TXNL4A: variants seen among roughly 807,000 people sequenced by gnomAD.
TXNL4A encodes thioredoxin-like protein 4A.
TXNL4A carries 17 observed loss-of-function variants against 14.6 expected under a neutral mutation model. The observed-to-expected ratio is 1.16, with a 90% CI of 0.80 to 1.74. The LOEUF (loss-of-function observed/expected upper bound fraction) is 1.74. TXNL4A is among the 40% of genes most tolerant of loss of function. The probability of loss-of-function intolerance (pLI) is 0.00; values close to 1 mark genes in which losing one functional copy is unlikely to be tolerated. For missense variants in TXNL4A, 74 were observed against 195.2 expected (o/e 0.38, Z 3.70); for synonymous variants, 83 against 70.6 (o/e 1.18, Z -0.88).
intron 1 of TXNL4A, among the ~76,000 whole-genome samples, chr18:80,015,538 A>T (rs1472631926): frequency 6.7e-6 from 1 of 149,884 alleles, no homozygotes; most frequent in African/African-American, 2.5e-5. Flanking sequence ...CAGTCCCCAG[A>T]GTGTGATGTT....
At chr18:79,988,663 A>G, upstream of TXNL4A, 1 of 285,178 alleles carries the variant, frequency 3.5e-6, no homozygotes, top group Non-Finnish European at 6.5e-6. Context: ...GCGAACGTGT[A>G]GTTGGCCGGG....
Position 79,971,036 on chromosome 18 carries a change from C to T in TXNL4A, c.*2649G>A, listed in dbSNP as rs2051295657. 1 of 154,434 alleles carries T rather than the reference C, an allele frequency of 6.5e-6. No individual in the cohort carries two copies. 9.6% of individuals were successfully genotyped at this position (154,434 alleles called of 1,614,324 possible). ...GCTGTCACCTCCTATTTCCCCCTCC[C>T]TCCCAGTCTTAAGCAACCACTAATC... is the stretch of plus-strand genomic sequence containing the variant. On this transcript the variant is annotated 3_prime_UTR_variant, in exon 3 of 3. Transcript: ENST00000269601.
intron 1 of TXNL4A, among the ~76,000 whole-genome samples, chr18:80,029,887 T>G (rs1199831955): frequency 6.6e-6 from 1 of 152,144 alleles, no homozygotes; most frequent in East Asian, 1.9e-4. Flanking sequence ...AAGCCAAGAT[T>G]TGATAAAGAA....
chr18:80,019,547 C>T (rs369555661), intron 1 of TXNL4A, among the ~76,000 whole-genome samples: 1 of 152,100 alleles, frequency 6.6e-6, no homozygotes. Context: ...TATTTATTAC[C>T]TGATAATAAG....
At chr18:79,998,452 C>T (rs1402425532) in intron 1 of TXNL4A, among the ~76,000 whole-genome samples, 1 of 151,980 alleles carries the variant, frequency 6.6e-6, no homozygotes, top group African/African-American at 2.4e-5. Context: ...AATGCCCCAG[C>T]CTTAGGGCAC....
In TXNL4A at chr18:79,973,296, A is replaced by AC. The variant is rs77355432; in HGVS notation, c.*388dup. The AC allele has an allele frequency of 0.11, 17,441 of 163,524 alleles. 1,184 individuals are homozygous for AC. The highest frequency in any genetic ancestry group is 0.25 in the East Asian group (1,373 of 5,522). 10.1% of individuals were successfully genotyped at this position (163,524 alleles called of 1,614,324 possible). On this transcript the variant is annotated 3_prime_UTR_variant, in exon 3 of 3. Transcript: ENST00000269601. Reference sequence around the variant, plus strand: ...CCCACCCGCGACACCCTGATCTCAGACCCCCGCCTGCAAAGCTGTGAGAGC... The same window carrying AC: ...CCCACCCGCGACACCCTGATCTCAGACCCCCCGCCTGCAAAGCTGTGAGAGC...
chr18:80,032,789 G>A (rs1232198212), intron 1 of TXNL4A, among the ~76,000 whole-genome samples: 1 of 152,172 alleles, frequency 6.6e-6, no homozygotes, highest in Non-Finnish European at 1.5e-5. Flanking sequence ...GCAGTGAGCC[G>A]GGATCACGCC....
chr18:80,032,207 G>A (rs1160483168), intron 1 of TXNL4A, among the ~76,000 whole-genome samples: 1 of 151,996 alleles, frequency 6.6e-6, no homozygotes. Flanking sequence ...CATTCCTCGT[G>A]ACGGAGGACT....
rs1185054285 is a variant in TXNL4A at position 79,977,582 on chromosome 18, CT to C, written c.257+15del. ...TGACAATATTCAATTTCAGTAACAACTTTAAGATAACGTACCTGAAGAAAAA... is the reference window on the plus strand; with the variant it reads ...TGACAATATTCAATTTCAGTAACAACTTAAGATAACGTACCTGAAGAAAAA... On this transcript the variant is annotated intron_variant, in intron 2 of 2. Transcript: ENST00000269601. 1 of 1,558,704 alleles carries C rather than the reference CT, an allele frequency of 6.4e-7. No individual in the cohort carries two copies. Among genetic ancestry groups the C allele is most frequent in the Non-Finnish European group, 8.8e-7 (1 of 1,139,894 alleles).
At chr18:79,976,159 G>A (rs987265437) in intron 2 of TXNL4A, among the ~76,000 whole-genome samples, 2 of 152,196 alleles carry the variant, frequency 1.3e-5, no homozygotes, top group African/African-American at 4.8e-5. Context: ...TGAGGCGGGA[G>A]GATGGCTCGA....
rs1462247137 is a variant in TXNL4A at position 80,011,245 on chromosome 18, AAG to A, written c.-61+22604_-61+22605del. Among the ~76,000 whole-genome samples, 2 of 152,210 alleles carry A rather than the reference AAG, an allele frequency of 1.3e-5. No individual in the cohort carries two copies. Among genetic ancestry groups the A allele is most frequent in the African/African-American group, 4.8e-5 (2 of 41,460 alleles). On this transcript the variant is annotated intron_variant, in intron 1 of 2. Transcript: ENST00000585474. The surrounding 1 kb of genome is among the most constrained non-coding windows in gnomAD (Gnocchi z 4.1). Reference sequence around the variant, plus strand: ...AAAACCAAGACTCGAATTTATTAAAAAGGGATTGTAGCCAACTGGGACGGGAG... The same window carrying A: ...AAAACCAAGACTCGAATTTATTAAAAGGATTGTAGCCAACTGGGACGGGAG...
chr18:79,989,261 G>A (rs1477658227), upstream of TXNL4A, among the ~76,000 whole-genome samples: 1 of 152,084 alleles, frequency 6.6e-6, no homozygotes, highest in Middle Eastern at 3.2e-3. Context: ...ACTACAAGGC[G>A]CCAGCCCGGC....
intron 1 of TXNL4A, among the ~76,000 whole-genome samples, chr18:79,979,976 G>A (rs1373223972): frequency 6.6e-6 from 1 of 152,226 alleles, no homozygotes; most frequent in Non-Finnish European, 1.5e-5. Flanking sequence ...CAAAGTGACA[G>A]CGCAGCTTAT....
chr18:79,988,100 G>C, intron 1 of TXNL4A, 140 bp downstream of exon 1: 1 of 1,059,450 alleles, frequency 9.4e-7, no homozygotes, highest in Non-Finnish European at 1.2e-6. Flanking sequence ...CGACCGCAGC[G>C]AGGGGAGGAA....
At chr18:79,981,827 C>T (rs147404299) in intron 1 of TXNL4A, among the ~76,000 whole-genome samples, 12 of 152,346 alleles carry the variant, frequency 7.9e-5, no homozygotes, top group African/African-American at 1.4e-4. Context: ...TCACGTGCCA[C>T]GAGAACGTGA....
intron 1 of TXNL4A, among the ~76,000 whole-genome samples, chr18:80,029,510 A>T (rs1347196791): frequency 6.6e-6 from 1 of 152,260 alleles, no homozygotes; most frequent in Non-Finnish European, 1.5e-5. Flanking sequence ...AGAAAAAATT[A>T]TCCCACTGTG....
intron 1 of TXNL4A, among the ~76,000 whole-genome samples, chr18:80,009,494 T>A (rs2051755871): frequency 6.6e-6 from 1 of 152,208 alleles, no homozygotes. Context: ...CCAACAGGGC[T>A]GTTACCAGTG....
At chr18:79,983,687 T>G (rs980466571) in intron 1 of TXNL4A, among the ~76,000 whole-genome samples, 2 of 152,256 alleles carry the variant, frequency 1.3e-5, no homozygotes, top group Non-Finnish European at 2.9e-5. Flanking sequence ...TTTCTAAAAT[T>G]AATGTTTGCC....
rs990952829 is a variant in TXNL4A at position 79,971,917 on chromosome 18, G to C, written c.*1768C>G. The stretch of plus-strand genomic sequence containing the variant: ...AGTGTCTGTTACATGCCAGGTACTC[G>C]AGGTCACATACACGTTCTCCCTAGC... On this transcript the variant is annotated 3_prime_UTR_variant, in exon 3 of 3. Transcript: ENST00000269601. 6.6e-6 allele frequency: 1 copy of C among 152,132 alleles called. No homozygotes were observed. The highest frequency in any genetic ancestry group is 1.5e-5 in the Non-Finnish European group (1 of 68,046). The allele number at this position is 152,132 out of a possible 1,614,324, so 9.4% of individuals were successfully genotyped here.
Sources: gnomAD v4.1 joint callset for allele counts (sites outside exome capture counted in the v4.1 genomes callset) on GRCh38, gnomAD v4.1.1 for gene constraint, Gnocchi (gnomAD v3.1) non-coding constraint, MANE v1.5 for transcripts, NCBI Gene and HGNC (gene_info 2026-07-23, HGNC 2026-07-21) for gene names.